OLFML2A: variants seen among roughly 807,000 people sequenced by gnomAD.
OLFML2A encodes olfactomedin like 2A, also known as olfactomedin-like protein 2A.
OLFML2A carries 47 observed loss-of-function variants against 60.9 expected under a neutral mutation model. The observed-to-expected ratio is 0.77, with a 90% CI of 0.61 to 0.98. The LOEUF (loss-of-function observed/expected upper bound fraction) is 0.98, where lower values mean the gene tolerates loss of function less well. Ranked by LOEUF, OLFML2A falls within the 50% of genes least tolerant of loss-of-function variation. The pLI, the probability that OLFML2A is intolerant of heterozygous loss-of-function variation, is 0.00. For missense variants in OLFML2A, 922 were observed against 879.8 expected (o/e 1.05, Z -0.61); for synonymous variants, 372 against 375.0 (o/e 0.99, Z 0.09).
At chr9:124,797,443 G>T (rs1383079798) in intron 3 of OLFML2A, among the ~76,000 whole-genome samples, 5 of 152,188 alleles carry the variant, frequency 3.3e-5, no homozygotes, top group Non-Finnish European at 5.9e-5. Context: ...ACCCAGCCAG[G>T]AAGTAGAGAG....
At chr9:124,793,611 G>T (rs547259452) in intron 2 of OLFML2A, among the ~76,000 whole-genome samples, 1 of 152,222 alleles carries the variant, frequency 6.6e-6, no homozygotes, top group Non-Finnish European at 1.5e-5. Flanking sequence ...CAAGTCACTT[G>T]CCCCCTCTGA....
At chr9:124,790,553 CCCTTAGG>C (rs1841551215) in intron 2 of OLFML2A, among the ~76,000 whole-genome samples, 1 of 152,244 alleles carries the variant, frequency 6.6e-6, no homozygotes, top group Middle Eastern at 3.4e-3. Flanking sequence ...AGCCCACAGT[CCCTTAGG>C]CCTTCTCAGT....
intron 1 of OLFML2A, among the ~76,000 whole-genome samples, chr9:124,781,469 CA>C (rs1841360015): frequency 1.3e-5 from 2 of 152,122 alleles, no homozygotes; most frequent in East Asian, 3.9e-4. Flanking sequence ...CGGGGCTGGC[CA>C]TGAGGAAAAA....
Position 124,804,313 on chromosome 9 carries a change from C to G in OLFML2A, c.1139C>G (p.Pro380Arg), listed in dbSNP as rs1382546911. The G allele has an allele frequency of 6.4e-7, 1 of 1,551,930 alleles. No homozygotes were observed. Among genetic ancestry groups the G allele is most frequent in the South Asian group, 1.2e-5 (1 of 83,988 alleles). ...ACCACCAGTCTCCTGCCCACCGAGC[C>G]ACCTTCAGGTCCAGAAGTCTCCAGC... is the stretch of plus-strand genomic sequence containing the variant. ...TPTTSLLPTE[P>R]PSGPEVSSQG... is the part of the protein sequence containing the mutation. Residue 380 changes from proline (P) to arginine (R), a missense_variant, in exon 6 of 8, where the codon CCA becomes CGA. Transcript: ENST00000373580.
chr9:124,778,365 A>C (rs1320684499), intron 1 of OLFML2A, among the ~76,000 whole-genome samples: 2 of 149,912 alleles, frequency 1.3e-5, no homozygotes, highest in Non-Finnish European at 3.0e-5. Flanking sequence ...CGTGTCAAAA[A>C]AAAAAAGAAA....
At chr9:124,801,173 C>T (rs1471466326) in intron 4 of OLFML2A, 2 of 1,095,190 alleles carry the variant, frequency 1.8e-6, no homozygotes, top group South Asian at 1.6e-5. Flanking sequence ...AGGAATCTAA[C>T]CTATCAGGTT....
intron 7 of OLFML2A, 21 bp from the exon 8 acceptor site, chr9:124,809,787 G>T: frequency 6.4e-7 from 1 of 1,574,652 alleles, no homozygotes; most frequent in South Asian, 1.2e-5. Context: ...GGTCTGGGGT[G>T]ACCATCGCCC....
intron 1 of OLFML2A, among the ~76,000 whole-genome samples, chr9:124,784,858 T>C (rs1284086362): frequency 6.6e-6 from 1 of 152,046 alleles, no homozygotes; most frequent in Non-Finnish European, 1.5e-5. Context: ...TATGTGGCCT[T>C]TTGTGTCTGG....
intron 1 of OLFML2A, among the ~76,000 whole-genome samples, chr9:124,782,033 G>T (rs1841369018): frequency 6.6e-6 from 1 of 152,228 alleles, no homozygotes; most frequent in Non-Finnish European, 1.5e-5. Flanking sequence ...AGGGAGAGAT[G>T]CAGGGCCAAG....
intron 3 of OLFML2A, 127 bp from the exon 4 acceptor site, chr9:124,799,158 G>A (rs908719144): frequency 2.8e-5 from 18 of 641,820 alleles, no homozygotes; most frequent in South Asian, 1.5e-4. Flanking sequence ...TGCTCACTGC[G>A]GCCGCCCCTA....
chr9:124,777,238 C>A lies in OLFML2A; in HGVS notation c.-33C>A. On this transcript the variant is annotated 5_prime_UTR_variant, in exon 1 of 8. Coordinates refer to ENST00000373580, the MANE Select transcript of OLFML2A (RefSeq NM_182487.4). This position sits in a 1 kb window ranked among gnomAD's most constrained non-coding sequence, Gnocchi z 6.2. The stretch of plus-strand genomic sequence containing the variant: ...AGCCCGCGCTTCCCAGCGTCCGTGC[C>A]CGGCCGCCTGTGCCTACCGTGCCCG... The A allele has an allele frequency of 2.2e-6, 2 of 915,998 alleles. No homozygotes were observed. Among genetic ancestry groups the A allele is most frequent in the Non-Finnish European group, 2.8e-6 (2 of 704,072 alleles). The allele number at this position is 915,998 out of a possible 1,614,324, so 56.7% of individuals were successfully genotyped here. A position where few individuals can be genotyped will look rare whatever the true frequency, so the allele number is the denominator to read the frequency against.
rs774693856 is a variant in OLFML2A, at chr9:124,813,859, AGGTT to A, written c.*3449_*3452del. On this transcript the variant is annotated 3_prime_UTR_variant, in exon 8 of 8. Transcript: ENST00000373580. Reference sequence around the variant, plus strand: ...GAAACCTGATCCCCAACAGCTTTTGAGGTTGTTTGTTTGTTTGTTTGTTTACCTG... The same window carrying A: ...GAAACCTGATCCCCAACAGCTTTTGAGTTTGTTTGTTTGTTTGTTTACCTG... The A allele has an allele frequency of 5.9e-5, 9 of 152,008 alleles. No individual in the cohort carries two copies. Among genetic ancestry groups the A allele is most frequent in the Non-Finnish European group, 8.8e-5 (6 of 68,034 alleles). 9.4% of individuals were successfully genotyped at this position (152,008 alleles called of 1,614,324 possible). A position where few individuals can be genotyped will look rare whatever the true frequency, so the allele number is the denominator to read the frequency against.
intron 2 of OLFML2A, among the ~76,000 whole-genome samples, chr9:124,788,070 G>C (rs1841509838): frequency 6.6e-6 from 1 of 151,914 alleles, no homozygotes; most frequent in South Asian, 2.1e-4. Flanking sequence ...GGAGGCTGAG[G>C]CTGGAGGATC....
At position 124,811,572 on chromosome 9, in the gene OLFML2A, G is replaced by A. The variant is rs916196243; in HGVS notation, c.*1160G>A. 6.6e-6 allele frequency: 1 copy of A among 152,452 alleles called. No homozygotes were observed. Among genetic ancestry groups the A allele is most frequent in the African/African-American group, 2.4e-5 (1 of 41,470 alleles). 9.4% of individuals were successfully genotyped at this position (152,452 alleles called of 1,614,324 possible). On this transcript the variant is annotated 3_prime_UTR_variant, in exon 8 of 8. Coordinates refer to ENST00000373580, the MANE Select transcript of OLFML2A (RefSeq NM_182487.4). Reference sequence around the variant, plus strand: ...ACATGGTGTGAGTAGTTGGGTCCAGGGGAGGCATCAGGCCTTCTTCTGGTT... The same window carrying A: ...ACATGGTGTGAGTAGTTGGGTCCAGAGGAGGCATCAGGCCTTCTTCTGGTT...
At chr9:124,804,534 G>A (rs1312123229) in intron 6 of OLFML2A, among the ~76,000 whole-genome samples, 192 bp downstream of exon 6, 2 of 151,972 alleles carry the variant, frequency 1.3e-5, no homozygotes, top group African/African-American at 2.4e-5. Flanking sequence ...GACCAGCCTG[G>A]CCAACATGGA....
rs753469559 is a variant in OLFML2A at position 124,810,167 on chromosome 9, C to A, written c.1714C>A (p.Arg572=). The change falls in exon 8 of 8, where the codon CGG becomes AGG. Residue 572 remains arginine (R), a synonymous_variant. Coordinates refer to ENST00000373580, the MANE Select transcript of OLFML2A (RefSeq NM_182487.4). The part of the protein sequence containing the change: ...RETTWKTRLR[R]NSYGNCFLVC... ...GACCACGTGGAAGACACGGCTGCGG[C>A]GGAACTCCTACGGGAACTGCTTCCT... is the stretch of plus-strand genomic sequence containing the variant. The A allele has an allele frequency of 6.2e-7, 1 of 1,613,886 alleles. No individual in the cohort carries two copies. Among genetic ancestry groups the A allele is most frequent in the Admixed American group, 1.7e-5 (1 of 60,024 alleles).
Position 124,791,792 on chromosome 9 carries a change from G to A in OLFML2A, c.355-3232G>A, listed in dbSNP as rs144532894. Among the ~76,000 whole-genome samples, 18 of 149,128 alleles carry A rather than the reference G, an allele frequency of 1.2e-4. No individual in the cohort carries two copies. In the East Asian group the frequency reaches 3.4e-3, roughly 28 times the overall value. ...ATGAAACAAAGCCAGACATACACAG[G>A]ATAAATCTAGTGTTTTATTGTGAGA... On this transcript the variant is annotated intron_variant, in intron 2 of 7. Transcript: ENST00000373580.
At chr9:124,809,308 G>T (rs757986673) in intron 7 of OLFML2A, among the ~76,000 whole-genome samples, 126 of 152,320 alleles carry the variant, frequency 8.3e-4, no homozygotes, top group Non-Finnish European at 1.6e-3. Context: ...CTTCTGTCTG[G>T]CTGCTACAGA....
At chr9:124,791,119 G>A (rs1422427663) in intron 2 of OLFML2A, among the ~76,000 whole-genome samples, 2 of 152,220 alleles carry the variant, frequency 1.3e-5, no homozygotes, top group Non-Finnish European at 1.5e-5. Flanking sequence ...CCCCAGTAAT[G>A]GCAGTATGAT....
Sources: allele counts gnomAD v4.1 joint callset (sites outside exome capture counted in the v4.1 genomes callset), GRCh38; gene constraint gnomAD v4.1.1; non-coding constraint Gnocchi (gnomAD v3.1); transcripts MANE v1.5; gene names NCBI Gene and HGNC (gene_info 2026-07-23, HGNC 2026-07-21).